CTTNBP2: variants seen among roughly 807,000 people sequenced by gnomAD.
CTTNBP2 encodes the protein cortactin-binding protein 2.
CTTNBP2 carries 108 observed loss-of-function variants against 156.9 expected under a neutral mutation model. The observed-to-expected ratio is 0.69, with a 90% CI of 0.59 to 0.81. The LOEUF is 0.81. CTTNBP2 is among the 30% of genes least tolerant of loss of function. The probability of loss-of-function intolerance (pLI) is 0.00; values close to 1 mark genes in which losing one functional copy is unlikely to be tolerated. For missense variants in CTTNBP2, 1,924 were observed against 2,035.4 expected (o/e 0.95, Z 1.05); for synonymous variants, 767 against 751.8 (o/e 1.02, Z -0.33).
At chr7:117,748,319 T>A (rs900296005) in intron 12 of CTTNBP2, among the ~76,000 whole-genome samples, 7 of 152,238 alleles carry the variant, frequency 4.6e-5, no homozygotes, top group Non-Finnish European at 1.5e-5. Context: ...TTTCTCCTAA[T>A]CTTAAATGGA....
chr7:117,734,844 C>T, intron 16 of CTTNBP2, 69 bp downstream of exon 16: 1 of 1,302,310 alleles, frequency 7.7e-7, no homozygotes, highest in Non-Finnish European at 1.1e-6. Flanking sequence ...TGGTGGAACT[C>T]AAGCTGAGAT....
Position 117,792,833 on chromosome 7 carries a change from A to G in CTTNBP2, c.415-52T>C. The G allele has an allele frequency of 7.8e-7, 1 of 1,279,376 alleles. No homozygotes were observed. The highest frequency in any genetic ancestry group is 1.0e-6 in the Non-Finnish European group (1 of 964,750). The allele number at this position is 1,279,376 out of a possible 1,614,324, so 79.3% of individuals were successfully genotyped here. A position where few individuals can be genotyped will look rare whatever the true frequency, so the allele number is the denominator to read the frequency against. The stretch of plus-strand genomic sequence containing the variant: ...GATTAATATACAGAATTTTCTTTTC[A>G]CCAAGGAAATGCTTTTTGTGAGATT... On this transcript the variant is annotated intron_variant, in intron 3 of 22. Coordinates refer to ENST00000160373, the MANE Select transcript of CTTNBP2 (RefSeq NM_033427.3). This position sits in a 1 kb window ranked among gnomAD's most constrained non-coding sequence, Gnocchi z 4.2.
chr7:117,711,497 G>T lies in CTTNBP2; in HGVS notation c.*40C>A. The T allele has an allele frequency of 6.4e-7, 1 of 1,574,654 alleles. No individual in the cohort carries two copies. The highest frequency in any genetic ancestry group is 8.6e-7 in the Non-Finnish European group (1 of 1,162,942). ...ATCTTGTTGTCCTTGGTTTCTGTGT[G>T]AAATAGAGGAAGTTAATAATGAGAA... On this transcript the variant is annotated 3_prime_UTR_variant, in exon 23 of 23. Coordinates refer to ENST00000160373, the MANE Select transcript of CTTNBP2 (RefSeq NM_033427.3).
intron 4 of CTTNBP2, 21 bp downstream of exon 4, chr7:117,791,107 A>G (rs755463534): frequency 1.0e-5 from 16 of 1,588,256 alleles, no homozygotes; most frequent in East Asian, 4.5e-5. Flanking sequence ...TAAAAAGCGT[A>G]TAACATTTCA....
Position 117,711,688 on chromosome 7 carries a change from G to A in CTTNBP2, c.4841C>T (p.Pro1614Leu). Residue 1614 changes from proline (P) to leucine (L), a missense_variant, in exon 23 of 23, where the codon CCT (proline) becomes CTT (leucine). Coordinates refer to ENST00000160373, the MANE Select transcript of CTTNBP2 (RefSeq NM_033427.3). ...CTGGGTGACTTTACTTCTAGGAACA[G>A]GAAGAAAAGATTTAACTCTTGAAAC... Reference protein sequence around the residue: ...LGVSRVKSFLPVPRSKVTQCS... With the variant: ...LGVSRVKSFLLVPRSKVTQCS... 1 of 1,614,034 alleles carries A rather than the reference G, an allele frequency of 6.2e-7. No homozygotes were observed. The highest frequency in any genetic ancestry group is 1.1e-5 in the South Asian group (1 of 91,082).
intron 2 of CTTNBP2, among the ~76,000 whole-genome samples, chr7:117,843,213 T>C (rs1473610895): frequency 6.6e-6 from 1 of 152,178 alleles, no homozygotes; most frequent in Non-Finnish European, 1.5e-5. Flanking sequence ...TGCATGCAAA[T>C]ACTACACCAT....
chr7:117,832,247 A>T (rs1009613948), intron 2 of CTTNBP2, among the ~76,000 whole-genome samples: 1 of 150,626 alleles, frequency 6.6e-6, no homozygotes. Context: ...CTCATCTTTA[A>T]CCCCTCCTCT....
chr7:117,796,346 A>G (rs1248898603), intron 3 of CTTNBP2, among the ~76,000 whole-genome samples: 1 of 152,216 alleles, frequency 6.6e-6, no homozygotes, highest in Admixed American at 6.5e-5. Context: ...AAAATCTTTG[A>G]CCATTTCAGC....
chr7:117,784,134 C>T (rs974165734), intron 5 of CTTNBP2, 117 bp downstream of exon 5: 44 of 722,122 alleles, frequency 6.1e-5, no homozygotes, highest in Non-Finnish European at 8.8e-5. Context: ...CTATCCATTA[C>T]CACCTGTAAA....
At chr7:117,872,750 G>C (rs2117314894) in intron 1 of CTTNBP2, among the ~76,000 whole-genome samples, 1 of 152,220 alleles carries the variant, frequency 6.6e-6, no homozygotes, top group East Asian at 1.9e-4. Context: ...GACCTAAAGC[G>C]CTGGCCTCAG....
chr7:117,721,639 C>G (rs918061520), intron 19 of CTTNBP2, among the ~76,000 whole-genome samples: 13 of 152,086 alleles, frequency 8.5e-5, no homozygotes, highest in Admixed American at 8.5e-4. Context: ...TTGCATTATA[C>G]AGAAGAGAAA....
At chr7:117,836,521 C>T (rs756009100) in intron 2 of CTTNBP2, among the ~76,000 whole-genome samples, 1 of 152,176 alleles carries the variant, frequency 6.6e-6, no homozygotes, top group Non-Finnish European at 1.5e-5. Context: ...TGAGATCGCG[C>T]CACTGCACTC....
At chr7:117,835,129 C>G (rs34089287) in intron 2 of CTTNBP2, among the ~76,000 whole-genome samples, 3,811 of 152,312 alleles carry the variant, frequency 0.025, 187 homozygotes, top group African/African-American at 0.088. Context: ...AATGGATGCT[C>G]TCAACACTAA....
At chr7:117,819,206 T>G (rs1192510712) in intron 2 of CTTNBP2, among the ~76,000 whole-genome samples, 1 of 152,112 alleles carries the variant, frequency 6.6e-6, no homozygotes, top group East Asian at 1.9e-4. Flanking sequence ...AAAGCTCTTT[T>G]AAGAAGGAAG....
Position 117,719,510 on chromosome 7 carries a change from G to A in CTTNBP2, c.4638C>T (p.Ile1546=), listed in dbSNP as rs781557273. Residue 1546 remains isoleucine (I), a synonymous_variant, in exon 21 of 23, where the codon ATC becomes ATT. Transcript: ENST00000160373. The part of the protein sequence containing the change: ...SMCSSKSESD[I]SKIADSRDDL... ...CCCCATTTGTACTGCTCACCTTGCTGATATCAGACTCAGACTTGCTGGAGC... is the reference window on the plus strand; with the variant it reads ...CCCCATTTGTACTGCTCACCTTGCTAATATCAGACTCAGACTTGCTGGAGC... The A allele has an allele frequency of 6.2e-7, 1 of 1,613,662 alleles. No individual in the cohort carries two copies. Among genetic ancestry groups the A allele is most frequent in the Non-Finnish European group, 8.5e-7 (1 of 1,179,698 alleles).
At chr7:117,747,249 T>C (rs1796382203) in intron 12 of CTTNBP2, among the ~76,000 whole-genome samples, 1 of 152,216 alleles carries the variant, frequency 6.6e-6, no homozygotes, top group Non-Finnish European at 1.5e-5. Flanking sequence ...AGAATGTGTG[T>C]GTGTATCTCT....
intron 14 of CTTNBP2, 130 bp from the exon 15 acceptor site, chr7:117,735,551 C>T (rs1795641432): frequency 1.3e-6 from 1 of 755,976 alleles, no homozygotes; most frequent in African/African-American, 1.8e-5. Flanking sequence ...TCTTAAATTG[C>T]TTGGGGAGTG....
At chr7:117,862,152 G>C (rs539422114) in intron 1 of CTTNBP2, among the ~76,000 whole-genome samples, 33 of 152,124 alleles carry the variant, frequency 2.2e-4, no homozygotes, top group Non-Finnish European at 4.6e-4. Context: ...GCCATAGTCA[G>C]GTGGGTTTGG....
At chr7:117,732,519 G>C (rs567363038) in intron 16 of CTTNBP2, among the ~76,000 whole-genome samples, 278 of 151,772 alleles carry the variant, frequency 1.8e-3, no homozygotes, top group African/African-American at 6.6e-3. Context: ...GCGTGGTGGC[G>C]GGCGCCTGTA....
Sources: gnomAD v4.1 joint callset for allele counts (sites outside exome capture counted in the v4.1 genomes callset) on GRCh38, gnomAD v4.1.1 for gene constraint, Gnocchi (gnomAD v3.1) non-coding constraint, MANE v1.5 for transcripts, NCBI Gene and HGNC (gene_info 2026-07-23, HGNC 2026-07-21) for gene names.